PPARGC1A: variants seen among roughly 807,000 people sequenced by gnomAD.
PPARGC1A encodes PPARG coactivator 1 alpha, also known as peroxisome proliferator-activated receptor gamma coactivator 1-alpha.
PPARGC1A carries 25 observed loss-of-function variants against 88.7 expected under a neutral mutation model. The ratio of observed to expected loss-of-function variants is 0.28; its 90% CI spans 0.21 to 0.39. The LOEUF (loss-of-function observed/expected upper bound fraction) is 0.39. Among genes scored for constraint, PPARGC1A ranks in the 10% least tolerant of loss-of-function variants. The probability of loss-of-function intolerance (pLI) is 1.00; values close to 1 mark genes in which losing one functional copy is unlikely to be tolerated. For synonymous variants in PPARGC1A, 363 were observed against 355.6 expected (o/e 1.02, Z -0.24); for missense variants, 880 against 968.7 (o/e 0.91, Z 1.22).
upstream of PPARGC1A, among the ~76,000 whole-genome samples, chr4:23,894,809 T>C (rs139794235): frequency 6.6e-6 from 1 of 152,298 alleles, no homozygotes; most frequent in African/African-American, 2.4e-5. Flanking sequence ...AGATAAGAGA[T>C]AATAAAAGGG....
chr4:24,163,657 C>A, the PPARGC1A span, among the ~76,000 whole-genome samples: 1 of 152,160 alleles, frequency 6.6e-6, no homozygotes, highest in African/African-American at 2.4e-5. Context: ...TACATTATGA[C>A]GCTATAGCAA....
At chr4:24,088,717 T>A in the PPARGC1A span, among the ~76,000 whole-genome samples, 1 of 152,250 alleles carries the variant, frequency 6.6e-6, no homozygotes, top group Non-Finnish European at 1.5e-5. Flanking sequence ...ATTCAGAGAT[T>A]GATTATTTCA....
chr4:24,237,652 C>G, the PPARGC1A span, among the ~76,000 whole-genome samples: 1 of 152,190 alleles, frequency 6.6e-6, no homozygotes, highest in African/African-American at 2.4e-5. Context: ...CTTTTCTCCT[C>G]TCTCTCTACC....
At chr4:24,059,027 A>G in the PPARGC1A span, among the ~76,000 whole-genome samples, 1 of 152,218 alleles carries the variant, frequency 6.6e-6, no homozygotes, top group Non-Finnish European at 1.5e-5. Context: ...GCAGGAGTAG[A>G]ACTGAGGGTA....
the PPARGC1A span, among the ~76,000 whole-genome samples, chr4:23,918,374 G>A: frequency 7.9e-5 from 12 of 151,914 alleles, no homozygotes; most frequent in Admixed American, 4.6e-4. Flanking sequence ...GGTGCCAGCC[G>A]TCATGCCCAG....
the PPARGC1A span, among the ~76,000 whole-genome samples, chr4:24,111,812 G>C: frequency 5.9e-5 from 9 of 152,164 alleles, no homozygotes; most frequent in Non-Finnish European, 8.8e-5. Context: ...GCTCCCAGTG[G>C]AGACAGTCAA....
the PPARGC1A span, among the ~76,000 whole-genome samples, chr4:24,209,752 G>A: frequency 6.6e-6 from 1 of 152,160 alleles, no homozygotes; most frequent in Admixed American, 6.5e-5. Context: ...CTTATTTCAT[G>A]TGTATGCTTT....
At chr4:24,073,646 T>C in the PPARGC1A span, among the ~76,000 whole-genome samples, 1 of 152,186 alleles carries the variant, frequency 6.6e-6, no homozygotes, top group African/African-American at 2.4e-5. Flanking sequence ...TTTTTCTACT[T>C]AACCCTGTGG....
chr4:24,091,713 A>G, the PPARGC1A span: 2 of 869,970 alleles, frequency 2.3e-6, no homozygotes, highest in East Asian at 1.2e-4. Flanking sequence ...TTTGGGACAC[A>G]TGGGGCTACC....
chr4:23,948,916 C>T, the PPARGC1A span, among the ~76,000 whole-genome samples: 1 of 152,152 alleles, frequency 6.6e-6, no homozygotes, highest in Non-Finnish European at 1.5e-5. Flanking sequence ...GCTTCTTCCT[C>T]AAATTATCAG....
chr4:23,798,419 A>G (rs540668460), intron 12 of PPARGC1A, among the ~76,000 whole-genome samples: 59 of 152,146 alleles, frequency 3.9e-4, no homozygotes, highest in Admixed American at 5.9e-4. Context: ...ACTAATCTCA[A>G]ACACCAAAAT....
the PPARGC1A span, among the ~76,000 whole-genome samples, chr4:24,464,855 T>C: frequency 7.9e-5 from 12 of 152,284 alleles, no homozygotes; most frequent in East Asian, 2.1e-3. Context: ...ATGTTTCTCC[T>C]GTATGAAGAC....
chr4:24,068,948 T>C, the PPARGC1A span, among the ~76,000 whole-genome samples: 143 of 152,308 alleles, frequency 9.4e-4, no homozygotes, highest in African/African-American at 3.2e-3. Context: ...TGTAGTGAAA[T>C]GAGCATGGAA....
the PPARGC1A span, among the ~76,000 whole-genome samples, chr4:24,323,636 C>A: frequency 6.6e-6 from 1 of 152,318 alleles, no homozygotes; most frequent in Admixed American, 6.5e-5. Context: ...GGACTCAGCC[C>A]GCCTGCACCC....
chr4:23,795,484 A>G lies in PPARGC1A; in HGVS notation c.*338T>C. ...CACACATACTTCCCCTAAACCAAGC[A>G]CACACACCACACACATACATACACA... On this transcript the variant is annotated 3_prime_UTR_variant, in exon 13 of 13. Transcript: ENST00000264867. 5.2e-6 allele frequency: 1 copy of G among 193,216 alleles called. No homozygotes were observed. The highest frequency in any genetic ancestry group is 1.0e-4 in the South Asian group (1 of 9,698). The allele number at this position is 193,216 out of a possible 1,614,324, so 12.0% of individuals were successfully genotyped here. A position where few individuals can be genotyped will look rare whatever the true frequency, so the allele number is the denominator to read the frequency against.
chr4:24,387,413 A>G, the PPARGC1A span, among the ~76,000 whole-genome samples: 1 of 152,106 alleles, frequency 6.6e-6, no homozygotes, highest in Admixed American at 6.6e-5. Flanking sequence ...TAAACTAAAG[A>G]GCTTCTGCAC....
intron 2 of PPARGC1A, among the ~76,000 whole-genome samples, chr4:23,875,261 C>A (rs1447554239): frequency 6.6e-6 from 1 of 152,054 alleles, no homozygotes; most frequent in Non-Finnish European, 1.5e-5. Context: ...CCAGGATGTT[C>A]TTGTAATTCT....
the PPARGC1A span, among the ~76,000 whole-genome samples, chr4:24,457,831 G>A: frequency 6.6e-6 from 1 of 152,196 alleles, no homozygotes; most frequent in African/African-American, 2.4e-5. Context: ...CCAAAGTGCT[G>A]GGATTACAGG....
At chr4:24,380,143 T>C in the PPARGC1A span, among the ~76,000 whole-genome samples, 2 of 152,202 alleles carry the variant, frequency 1.3e-5, no homozygotes, top group Non-Finnish European at 2.9e-5. Context: ...TAATGTTATT[T>C]AAAGGGAAAC....
Sources: gnomAD v4.1 joint callset for allele counts (sites outside exome capture counted in the v4.1 genomes callset) on GRCh38, gnomAD v4.1.1 for gene constraint, MANE v1.5 for transcripts, NCBI Gene and HGNC (gene_info 2026-07-23, HGNC 2026-07-21) for gene names.